Variants in SPATA13 observed in about 807,000 individuals in gnomAD.
SPATA13 encodes spermatogenesis associated 13.
Under a neutral mutation model 104.0 loss-of-function variants are expected in SPATA13, and 50 were observed. The observed-to-expected ratio is 0.48, with a 90% CI of 0.38 to 0.61. The LOEUF (loss-of-function observed/expected upper bound fraction) is 0.61. Among genes scored for constraint, SPATA13 ranks in the 20% least tolerant of loss-of-function variants. The probability of loss-of-function intolerance (pLI) is 0.00; values close to 1 mark genes in which losing one functional copy is unlikely to be tolerated. For missense variants in SPATA13, 1,524 were observed against 1,690.6 expected (o/e 0.90, Z 1.73); for synonymous variants, 606 against 667.5 (o/e 0.91, Z 1.42).
At chr13:24,009,241 G>A (rs546876130) in intron 2 of SPATA13, among the ~76,000 whole-genome samples, 4 of 152,318 alleles carry the variant, frequency 2.6e-5, no homozygotes, top group African/African-American at 7.2e-5. Flanking sequence ...CAGCAAGGAG[G>A]GCCACCCTTC....
chr13:24,058,060 A>G (rs883645), intron 3 of SPATA13, among the ~76,000 whole-genome samples: 1,847 of 151,910 alleles, frequency 0.012, 100 homozygotes, highest in East Asian at 0.11. Context: ...ATGAGCTCCC[A>G]TCTGGCCATG....
rs981451774 is a variant in SPATA13, at chr13:24,236,069, G to A, written c.1653+11487G>A. On this transcript the variant is annotated intron_variant, in intron 2 of 12. Transcript: ENST00000382108. ...CAAGGACTGTCACATAAGTAGTGAG[G>A]GGTGGGGTCGGGCCTGCAGCTGGGT... Among the ~76,000 whole-genome samples the A allele has an allele frequency of 4.6e-5, 7 of 152,300 alleles. 1 individual carries two copies. Among genetic ancestry groups the A allele is most frequent in the Admixed American group, 4.6e-4 (7 of 15,298 alleles).
At chr13:24,159,909 G>A (rs987884162), upstream of SPATA13, among the ~76,000 whole-genome samples, 4 of 152,142 alleles carry the variant, frequency 2.6e-5, no homozygotes, top group African/African-American at 9.7e-5. Context: ...AATTCCATTA[G>A]CTGCCTATCA....
intron 9 of SPATA13, among the ~76,000 whole-genome samples, chr13:24,293,900 A>G (rs890116157): frequency 4.6e-5 from 7 of 152,144 alleles, no homozygotes; most frequent in African/African-American, 1.7e-4. Flanking sequence ...GCGCAGGAGG[A>G]TTCTAATTCA....
chr13:24,136,504 T>A (rs1923900), intron 3 of SPATA13, among the ~76,000 whole-genome samples: 79,734 of 147,638 alleles, frequency 0.54, 21,318 homozygotes, highest in Admixed American at 0.61. Context: ...AGAAAGAAAG[T>A]GAGAGAGAGG....
At chr13:24,044,379 C>T (rs976068724) in intron 3 of SPATA13, among the ~76,000 whole-genome samples, 15 of 151,954 alleles carry the variant, frequency 9.9e-5, no homozygotes, top group Non-Finnish European at 2.2e-4. Flanking sequence ...ACTACAGGCA[C>T]CTGCCACTGC....
intron 3 of SPATA13, among the ~76,000 whole-genome samples, chr13:24,054,995 T>C (rs1321305499): frequency 3.3e-5 from 5 of 152,242 alleles, no homozygotes; most frequent in African/African-American, 1.2e-4. Context: ...CATAATTCAA[T>C]TTTTATAAAC....
intron 3 of SPATA13, among the ~76,000 whole-genome samples, chr13:24,053,097 T>C (rs1057455593): frequency 6.6e-6 from 1 of 151,970 alleles, no homozygotes. Context: ...TATCCGTACC[T>C]AGAACACAAA....
intron 2 of SPATA13, among the ~76,000 whole-genome samples, chr13:24,228,748 C>T (rs1220552): frequency 0.53 from 80,094 of 151,998 alleles, 21,854 homozygotes; most frequent in African/African-American, 0.66. Flanking sequence ...GTTCTACTTA[C>T]AGGATTAAAG....
intron 3 of SPATA13, among the ~76,000 whole-genome samples, chr13:24,017,971 C>A (rs578262126): frequency 1.3e-5 from 2 of 152,312 alleles, no homozygotes; most frequent in African/African-American, 4.8e-5. Context: ...ACATGGATTT[C>A]ATTAATATGC....
rs931753593 is a variant in SPATA13, at chr13:24,294,139, C to T, written c.3081-600C>T. ...CCTACAGTTTTAGCGGGCTTGGGAG[C>T]GGGGCCCTCCTGGGGAGAACATTTT... On this transcript the variant is annotated intron_variant, in intron 9 of 12. Coordinates refer to ENST00000382108, the MANE Select transcript of SPATA13 (RefSeq NM_001166271.3). Among the ~76,000 whole-genome samples the T allele has an allele frequency of 3.3e-5, 5 of 152,084 alleles. No homozygotes were observed. The East Asian group carries it at 5.8e-4, about 18-fold the overall frequency.
intron 2 of SPATA13, among the ~76,000 whole-genome samples, chr13:24,225,577 T>C (rs1347296937): frequency 6.6e-6 from 1 of 152,174 alleles, no homozygotes. Context: ...ACCCCATTTG[T>C]GTTATATCTC....
At chr13:24,020,048 G>C (rs1308780337) in intron 3 of SPATA13, among the ~76,000 whole-genome samples, 1 of 152,136 alleles carries the variant, frequency 6.6e-6, no homozygotes, top group East Asian at 1.9e-4. Flanking sequence ...GCGGACTCCA[G>C]CTTCTATCTT....
intron 1 of SPATA13, among the ~76,000 whole-genome samples, chr13:24,197,375 G>A (rs59995344): frequency 0.034 from 5,175 of 152,200 alleles, 310 homozygotes; most frequent in African/African-American, 0.11. Flanking sequence ...TTGTTAAAAC[G>A]TAACTATCTC....
intron 9 of SPATA13, among the ~76,000 whole-genome samples, chr13:24,294,469 A>G (rs1288549249): frequency 6.6e-6 from 1 of 152,210 alleles, no homozygotes; most frequent in Non-Finnish European, 1.5e-5. Flanking sequence ...TATTTGTGGC[A>G]TTTACTGTCA....
intron 3 of SPATA13, among the ~76,000 whole-genome samples, chr13:24,044,898 T>TGGGGGTGGTGGG (rs1878077776): frequency 1.1e-4 from 2 of 17,888 alleles, no homozygotes; most frequent in African/African-American, 3.0e-4. Context: ...GGGGTGGGGG[T>TGGGGGTGGTGGG]GGGGGTAGGC....
At chr13:24,229,933 T>C (rs534987137) in intron 2 of SPATA13, among the ~76,000 whole-genome samples, 32 of 152,326 alleles carry the variant, frequency 2.1e-4, no homozygotes, top group Admixed American at 8.5e-4. Flanking sequence ...AGCAAAATGC[T>C]ATGGGTTTCA....
intron 3 of SPATA13, chr13:24,123,617 C>G: frequency 6.2e-7 from 1 of 1,606,106 alleles, no homozygotes; most frequent in Middle Eastern, 1.8e-4. Flanking sequence ...ACAAAAGTGT[C>G]TGGGCAGCAG....
rs1166547634 is a variant in SPATA13, at chr13:24,190,141, T to A, written c.-112+29209T>A. Among the ~76,000 whole-genome samples, 2 of 16,230 alleles carry A rather than the reference T, an allele frequency of 1.2e-4. 1 individual carries two copies. The highest frequency in any genetic ancestry group is 0.011 in the South Asian group (2 of 182). 10.6% of individuals were successfully genotyped at this position (16,230 alleles called of 152,430 possible). On this transcript the variant is annotated intron_variant, in intron 1 of 12. Transcript: ENST00000382108. ...ATAACATAATAATATACAATATATA[T>A]TATTATATAACATATATATAATATA...
Sources: gnomAD v4.1 joint callset for allele counts (sites outside exome capture counted in the v4.1 genomes callset) on GRCh38, gnomAD v4.1.1 for gene constraint, MANE v1.5 for transcripts, NCBI Gene and HGNC (gene_info 2026-07-23, HGNC 2026-07-21) for gene names.